Variants in LGSN observed in about 807,000 individuals in gnomAD.
The protein encoded by LGSN is lengsin, lens protein with glutamine synthetase domain, also known as lengsin.
Under a neutral mutation model 19.5 loss-of-function variants are expected in LGSN, and 21 were observed. That is an observed-to-expected ratio of 1.07 (90% CI 0.76 to 1.55). The LOEUF (loss-of-function observed/expected upper bound fraction) is 1.55. LGSN is among the 40% of genes most tolerant of loss of function. The pLI, the probability that LGSN is intolerant of heterozygous loss-of-function variation, is 0.00. For missense variants in LGSN, 673 were observed against 608.5 expected, an observed-to-expected ratio of 1.11 and a Z score of -1.12; for synonymous variants, 257 against 215.6, an observed-to-expected ratio of 1.19 and a Z score of -1.68.
the LGSN span, among the ~76,000 whole-genome samples, chr6:63,372,300 G>A: frequency 6.6e-6 from 1 of 152,220 alleles, no homozygotes; most frequent in South Asian, 2.1e-4. Flanking sequence ...GTACCAAGAT[G>A]TGTGAAACTG....
At chr6:63,521,145 G>A in the LGSN span, among the ~76,000 whole-genome samples, 34 of 152,090 alleles carry the variant, frequency 2.2e-4, no homozygotes, top group Admixed American at 2.2e-3. Context: ...GGGGTTGATA[G>A]GTGCAACAAA....
chr6:63,563,126 G>C, the LGSN span, among the ~76,000 whole-genome samples: 1 of 152,184 alleles, frequency 6.6e-6, no homozygotes, highest in Non-Finnish European at 1.5e-5. Context: ...GAAATCTCAA[G>C]TGTTTCACCC....
the LGSN span, among the ~76,000 whole-genome samples, chr6:63,532,977 G>T: frequency 2.0e-5 from 3 of 152,186 alleles, no homozygotes; most frequent in Non-Finnish European, 2.9e-5. Context: ...GGAAGGAGGG[G>T]TTAGTCACAG....
the LGSN span, among the ~76,000 whole-genome samples, chr6:63,469,528 T>C: frequency 6.6e-5 from 10 of 152,174 alleles, no homozygotes; most frequent in African/African-American, 2.4e-4. Context: ...TTTAAGAAGA[T>C]TGCCTATTGA....
the LGSN span, among the ~76,000 whole-genome samples, chr6:63,325,000 G>A: frequency 6.6e-6 from 1 of 151,062 alleles, no homozygotes; most frequent in African/African-American, 2.4e-5. Context: ...GCTACTCAGG[G>A]GACTCAGGCA....
the LGSN span, among the ~76,000 whole-genome samples, chr6:63,432,174 G>GAAAGA: frequency 8.8e-5 from 2 of 22,640 alleles, 1 homozygote; most frequent in African/African-American, 4.5e-4. Context: ...AGAAAGAAAA[G>GAAAGA]GAAAGAAAGA....
the LGSN span, among the ~76,000 whole-genome samples, chr6:63,453,978 A>T: frequency 6.6e-6 from 1 of 152,038 alleles, no homozygotes; most frequent in Non-Finnish European, 1.5e-5. Flanking sequence ...AATCCTCAAA[A>T]CAATTCAATA....
the LGSN span, among the ~76,000 whole-genome samples, chr6:63,429,970 T>C: frequency 6.6e-6 from 1 of 152,214 alleles, no homozygotes; most frequent in Non-Finnish European, 1.5e-5. Flanking sequence ...CATCCATACC[T>C]GACAGCTTTC....
the LGSN span, among the ~76,000 whole-genome samples, chr6:63,542,057 GTGTGTA>G: frequency 7.4e-4 from 106 of 143,452 alleles, no homozygotes; most frequent in African/African-American, 2.7e-3. Flanking sequence ...GTGTGTGTGT[GTGTGTA>G]TACATACACA....
chr6:63,502,969 C>T, the LGSN span, among the ~76,000 whole-genome samples: 1 of 152,162 alleles, frequency 6.6e-6, no homozygotes, highest in African/African-American at 2.4e-5. Flanking sequence ...CAATCGATGT[C>T]AGATATTTTT....
At chr6:63,425,349 T>C in the LGSN span, among the ~76,000 whole-genome samples, 1 of 152,338 alleles carries the variant, frequency 6.6e-6, no homozygotes, top group East Asian at 1.9e-4. Flanking sequence ...TCATTATAGC[T>C]AAAATCTGGA....
chr6:63,486,362 G>T, the LGSN span, among the ~76,000 whole-genome samples: 2 of 152,172 alleles, frequency 1.3e-5, no homozygotes, highest in Non-Finnish European at 2.9e-5. Context: ...CAGCCAAAGA[G>T]ATCCTGAACA....
chr6:63,462,399 A>G, the LGSN span, among the ~76,000 whole-genome samples: 1 of 152,138 alleles, frequency 6.6e-6, no homozygotes, highest in Admixed American at 6.6e-5. Context: ...TTGGGAGGCC[A>G]AGGCAGGTGG....
At chr6:63,326,569 G>T in the LGSN span, among the ~76,000 whole-genome samples, 31 of 152,082 alleles carry the variant, frequency 2.0e-4, no homozygotes, top group Admixed American at 7.9e-4. Context: ...CAGGCATGGC[G>T]GGCTGCAGGT....
chr6:63,508,754 T>C, the LGSN span, among the ~76,000 whole-genome samples: 7 of 151,470 alleles, frequency 4.6e-5, no homozygotes, highest in South Asian at 1.0e-3. Context: ...CTGCCTCTAC[T>C]AAAAAAACAA....
chr6:63,476,078 G>GT, the LGSN span, among the ~76,000 whole-genome samples: 1 of 152,016 alleles, frequency 6.6e-6, no homozygotes, highest in Non-Finnish European at 1.5e-5. Context: ...TTTTTTGTTT[G>GT]TTTGTTTTGT....
At chr6:63,302,576 T>C (rs1562014124) in intron 1 of LGSN, among the ~76,000 whole-genome samples, 1 of 152,186 alleles carries the variant, frequency 6.6e-6, no homozygotes, top group Admixed American at 6.5e-5. Context: ...ACTAATTGAA[T>C]ACCAAGGAAA....
the LGSN span, among the ~76,000 whole-genome samples, chr6:63,489,714 C>A: frequency 5.3e-5 from 8 of 151,548 alleles, no homozygotes; most frequent in African/African-American, 7.3e-5. Context: ...TTATTTATTT[C>A]TTTATTATTT....
the LGSN span, among the ~76,000 whole-genome samples, chr6:63,360,444 G>T: frequency 2.6e-5 from 4 of 151,982 alleles, no homozygotes; most frequent in Admixed American, 1.3e-4. Context: ...TCTTCCAGTT[G>T]ATCGAATCGG....
Sources: allele counts gnomAD v4.1 joint callset (sites outside exome capture counted in the v4.1 genomes callset), GRCh38; gene constraint gnomAD v4.1.1; transcripts MANE v1.5; gene names NCBI Gene and HGNC (gene_info 2026-07-23, HGNC 2026-07-21).